The following RASAL2 variants were observed in gnomAD, a reference collection of about 807,000 sequenced individuals.
The protein encoded by RASAL2 is RAS protein activator like 2.
A neutral mutation model predicts 128.9 loss-of-function variants in RASAL2; 58 were observed. The ratio of observed to expected loss-of-function variants is 0.45; its 90% CI spans 0.36 to 0.56. The LOEUF is 0.56. Ranked by LOEUF, RASAL2 falls within the 20% of genes least tolerant of loss-of-function variation. The pLI is 0.00. For synonymous variants in RASAL2, 561 were observed against 580.8 expected, an observed-to-expected ratio of 0.97 and a Z score of 0.49; for missense variants, 1,360 against 1,601.6, an observed-to-expected ratio of 0.85 and a Z score of 2.57.
intron 1 of RASAL2, among the ~76,000 whole-genome samples, chr1:178,219,675 T>C (rs1356718564): frequency 6.6e-6 from 1 of 151,946 alleles, no homozygotes. Flanking sequence ...AAAAATAATT[T>C]TTCCATTTAA....
At chr1:178,275,083 C>T (rs1666432917) in intron 1 of RASAL2, among the ~76,000 whole-genome samples, 1 of 152,140 alleles carries the variant, frequency 6.6e-6, no homozygotes, top group Non-Finnish European at 1.5e-5. Context: ...TGATGGACTG[C>T]CATTTCTCAT....
intron 1 of RASAL2, among the ~76,000 whole-genome samples, chr1:178,229,780 A>G (rs1365741218): frequency 6.6e-6 from 1 of 152,184 alleles, no homozygotes; most frequent in African/African-American, 2.4e-5. Context: ...TGCTAACTAG[A>G]TAGAGTTCAG....
intron 4 of RASAL2, among the ~76,000 whole-genome samples, chr1:178,414,304 G>T (rs758462089): frequency 6.6e-6 from 1 of 152,170 alleles, no homozygotes; most frequent in South Asian, 2.1e-4. Flanking sequence ...TTGGAGTGTG[G>T]GAGGTACTGA....
intron 1 of RASAL2, among the ~76,000 whole-genome samples, chr1:178,201,412 C>T (rs1341139842): frequency 2.6e-5 from 4 of 152,148 alleles, no homozygotes; most frequent in Non-Finnish European, 5.9e-5. Flanking sequence ...GTGGATTAGT[C>T]ACTTTAGACC....
At chr1:178,135,449 C>T (rs1488916307) in intron 1 of RASAL2, among the ~76,000 whole-genome samples, 2 of 137,468 alleles carry the variant, frequency 1.5e-5, no homozygotes, top group Non-Finnish European at 3.1e-5. Flanking sequence ...AATATTATCC[C>T]AATTTATTAA....
chr1:178,235,753 T>C (rs1446336695), intron 1 of RASAL2, among the ~76,000 whole-genome samples: 1 of 152,186 alleles, frequency 6.6e-6, no homozygotes, highest in Non-Finnish European at 1.5e-5. Context: ...GTAACTTCTT[T>C]CTGGCCTAGT....
chr1:178,473,630 G>A lies in RASAL2; in HGVS notation c.*391G>A, dbSNP rs1648476170. On this transcript the variant is annotated 3_prime_UTR_variant, in exon 18 of 18. Transcript: ENST00000367649. ...TGTTGTGTGAGCGAGACATGAGCCT[G>A]TAGGTTCAGTAGGTAGAGACCAAGC... The A allele has an allele frequency of 4.4e-6, 1 of 229,506 alleles. No homozygotes were observed. Among genetic ancestry groups the A allele is most frequent in the Non-Finnish European group, 8.5e-6 (1 of 117,028 alleles). 14.2% of individuals were successfully genotyped at this position (229,506 alleles called of 1,614,324 possible). A position where few individuals can be genotyped will look rare whatever the true frequency, so the allele number is the denominator to read the frequency against.
intron 3 of RASAL2, among the ~76,000 whole-genome samples, chr1:178,315,753 T>C (rs1317971329): frequency 5.5e-5 from 8 of 144,434 alleles, no homozygotes; most frequent in African/African-American, 2.2e-4. Context: ...CTGTTCACTC[T>C]GATGGTAGTT....
In RASAL2 at chr1:178,457,898, A is replaced by C; in HGVS notation, c.2606A>C (p.Asp869Ala). ...AQVEHASVML[D>A]VPIRLTGSQL... The stretch of plus-strand genomic sequence containing the variant: ...GTGGAGCATGCATCTGTCATGCTTG[A>C]TGTGCCTATACGCTTGACCGGAAGC... Residue 869 changes from aspartate to alanine, a missense_variant, in exon 14 of 18, where the codon GAT (aspartate) becomes GCT (alanine). By Grantham distance (126) the Asp-to-Ala change is moderately radical. This residue lies in a region of RASAL2 where 741 missense variants were observed against 868.6 expected (regional missense o/e 0.85). Coordinates refer to ENST00000367649, the MANE Select transcript of RASAL2 (RefSeq NM_170692.4). The C allele has an allele frequency of 3.1e-6, 5 of 1,614,110 alleles. No individual in the cohort carries two copies. The highest frequency in any genetic ancestry group is 3.4e-6 in the Non-Finnish European group (4 of 1,180,012).
At chr1:178,173,304 C>T (rs1661768732) in intron 1 of RASAL2, among the ~76,000 whole-genome samples, 1 of 152,030 alleles carries the variant, frequency 6.6e-6, no homozygotes, top group African/African-American at 2.4e-5. Context: ...AGTGTGTCTC[C>T]AGTAAGGCAG....
intron 2 of RASAL2, among the ~76,000 whole-genome samples, chr1:178,297,080 T>C (rs760978690): frequency 1.3e-5 from 2 of 152,036 alleles, no homozygotes; most frequent in Non-Finnish European, 2.9e-5. Context: ...TCTCATGTTA[T>C]AGAACTTGGA....
Position 178,140,382 on chromosome 1 carries a change from A to G in RASAL2, c.202+45688A>G, listed in dbSNP as rs1001462578. ...TTCTGTCTTTGTATTATACAGTTCT[A>G]TGGTTTTGACAAATGCATAATGCCA... On this transcript the variant is annotated intron_variant, in intron 1 of 17. Transcript: ENST00000367649. Among the ~76,000 whole-genome samples the G allele has an allele frequency of 3.3e-5, 5 of 152,304 alleles. No individual in the cohort carries two copies. In the East Asian group the frequency reaches 7.7e-4, roughly 23 times the overall value.
chr1:178,100,278 G>T (rs1276750239), intron 1 of RASAL2, among the ~76,000 whole-genome samples: 1 of 151,900 alleles, frequency 6.6e-6, no homozygotes, highest in East Asian at 1.9e-4. Context: ...CACTTTAGGA[G>T]GCCAAGGTGG....
At chr1:178,398,405 T>G (rs1169543896) in intron 4 of RASAL2, among the ~76,000 whole-genome samples, 1 of 152,218 alleles carries the variant, frequency 6.6e-6, no homozygotes, top group Admixed American at 6.5e-5. Context: ...TGTTAAATTG[T>G]TTGACCTTTT....
intron 1 of RASAL2, among the ~76,000 whole-genome samples, chr1:178,274,213 C>T (rs1035730517): frequency 6.6e-6 from 1 of 152,044 alleles, no homozygotes; most frequent in Non-Finnish European, 1.5e-5. Context: ...GGTTGTGTAA[C>T]CAGTTGCTAA....
In RASAL2 at chr1:178,452,600, C is replaced by A; in HGVS notation, c.1957C>A (p.Arg653=). The change falls in exon 11 of 18, where the codon CGG becomes AGG. Residue 653 remains arginine, a synonymous_variant. Transcript: ENST00000367649. ...GGAGTATCCTGATGACCGCACATCT[C>A]GGACTCTAACTCTTATTGCCAAGGT... ...MQEYPDDRTS[R]TLTLIAKVIQ... The A allele has an allele frequency of 6.2e-7, 1 of 1,614,046 alleles. No individual in the cohort carries two copies. The highest frequency in any genetic ancestry group is 8.5e-7 in the Non-Finnish European group (1 of 1,179,952).
At chr1:178,441,669 T>C (rs768530411) in intron 7 of RASAL2, 22 bp downstream of exon 7, 4 of 1,553,272 alleles carry the variant, frequency 2.6e-6, no homozygotes, top group Non-Finnish European at 3.5e-6. Flanking sequence ...TTCAAGTATC[T>C]AAAAAATGTA....
At chr1:178,377,367 T>TA (rs1187511570) in intron 3 of RASAL2, among the ~76,000 whole-genome samples, 2 of 151,930 alleles carry the variant, frequency 1.3e-5, no homozygotes, top group Non-Finnish European at 2.9e-5. Flanking sequence ...CACTTTTAAC[T>TA]AAATGGCTGA....
chr1:178,182,401 A>G (rs1662146445), intron 1 of RASAL2, among the ~76,000 whole-genome samples: 1 of 152,164 alleles, frequency 6.6e-6, no homozygotes, highest in African/African-American at 2.4e-5. Flanking sequence ...ATAATATTAG[A>G]AGTCATGATC....
Sources: allele counts gnomAD v4.1 joint callset (sites outside exome capture counted in the v4.1 genomes callset), GRCh38; gene constraint gnomAD v4.1.1; regional missense constraint gnomAD v4.1.1; transcripts MANE v1.5; gene names NCBI Gene and HGNC (gene_info 2026-07-23, HGNC 2026-07-21).